The following QTMAN variants were observed in gnomAD, a reference collection of about 807,000 sequenced individuals.
QTMAN encodes the protein queuosine-tRNA mannosyltransferase, also known as tRNA-queuosine alpha-mannosyltransferase.
the QTMAN span, among the ~76,000 whole-genome samples, chr2:144,209,318 T>G: frequency 6.6e-6 from 1 of 152,242 alleles, no homozygotes; most frequent in Non-Finnish European, 1.5e-5. Flanking sequence ...TTTAAATTCA[T>G]CAGGTATAAC....
At chr2:143,990,676 A>G in the QTMAN span, among the ~76,000 whole-genome samples, 2 of 152,210 alleles carry the variant, frequency 1.3e-5, no homozygotes, top group African/African-American at 4.8e-5. Flanking sequence ...AGAAATCCAG[A>G]TACAATTCAG....
the QTMAN span, among the ~76,000 whole-genome samples, chr2:144,058,090 G>GA: frequency 1.0e-4 from 13 of 129,138 alleles, no homozygotes; most frequent in South Asian, 4.9e-4. Context: ...AAACCAGAAG[G>GA]AAAAAAAAAA....
the QTMAN span, among the ~76,000 whole-genome samples, chr2:144,051,406 C>T: frequency 6.6e-5 from 10 of 152,000 alleles, no homozygotes; most frequent in East Asian, 9.7e-4. Flanking sequence ...TATGGTTGTA[C>T]GCATCTTTAC....
At chr2:144,282,468 C>T in the QTMAN span, among the ~76,000 whole-genome samples, 1 of 150,754 alleles carries the variant, frequency 6.6e-6, no homozygotes, top group East Asian at 1.9e-4. Flanking sequence ...GTACAGATAT[C>T]ATTTATATGG....
the QTMAN span, among the ~76,000 whole-genome samples, chr2:144,048,947 T>C: frequency 8.5e-5 from 13 of 152,232 alleles, no homozygotes; most frequent in Non-Finnish European, 1.6e-4. Context: ...GGAGAGACAG[T>C]TTGCCTACTG....
chr2:143,997,786 G>A, the QTMAN span, among the ~76,000 whole-genome samples: 1 of 151,912 alleles, frequency 6.6e-6, no homozygotes, highest in East Asian at 1.9e-4. Flanking sequence ...GGAAAATAAG[G>A]TTAATTAACA....
chr2:143,973,682 G>A, the QTMAN span, among the ~76,000 whole-genome samples: 1 of 151,900 alleles, frequency 6.6e-6, no homozygotes, highest in Non-Finnish European at 1.5e-5. Flanking sequence ...CCAGCTACAC[G>A]GGAGGCTGAG....
the QTMAN span, among the ~76,000 whole-genome samples, chr2:144,228,848 C>T: frequency 6.6e-6 from 1 of 152,238 alleles, no homozygotes; most frequent in South Asian, 2.1e-4. Flanking sequence ...ATCCCAGCTA[C>T]TCATGAGGCT....
At chr2:144,157,801 G>C in the QTMAN span, among the ~76,000 whole-genome samples, 384 of 151,276 alleles carry the variant, frequency 2.5e-3, no homozygotes, top group Non-Finnish European at 3.8e-3. Flanking sequence ...ATATATGTAT[G>C]GTGTATATAT....
At chr2:144,014,300 T>C in the QTMAN span, among the ~76,000 whole-genome samples, 1 of 152,158 alleles carries the variant, frequency 6.6e-6, no homozygotes, top group Non-Finnish European at 1.5e-5. Context: ...ACTGCACAAA[T>C]GCTCTGGGGG....
the QTMAN span, among the ~76,000 whole-genome samples, chr2:144,124,177 T>C: frequency 6.6e-6 from 1 of 152,126 alleles, no homozygotes; most frequent in African/African-American, 2.4e-5. Flanking sequence ...AGAATGTTCC[T>C]ATAGCCACTT....
the QTMAN span, among the ~76,000 whole-genome samples, chr2:144,226,186 G>C: frequency 3.3e-5 from 5 of 152,144 alleles, no homozygotes; most frequent in Non-Finnish European, 4.4e-5. Context: ...TAAAGTGTGA[G>C]TGTTTATTGG....
the QTMAN span, among the ~76,000 whole-genome samples, chr2:144,224,830 T>C: frequency 6.6e-6 from 1 of 152,224 alleles, no homozygotes; most frequent in African/African-American, 2.4e-5. Context: ...AAAATTAAAG[T>C]AACTGTTTTG....
chr2:144,316,593 T>C, the QTMAN span, among the ~76,000 whole-genome samples: 1 of 152,164 alleles, frequency 6.6e-6, no homozygotes, highest in Non-Finnish European at 1.5e-5. Flanking sequence ...CACTTACACC[T>C]GAAAGTGCAG....
At chr2:143,954,957 C>T in the QTMAN span, among the ~76,000 whole-genome samples, 8 of 152,276 alleles carry the variant, frequency 5.3e-5, no homozygotes, top group African/African-American at 1.9e-4. Context: ...TCAATTCATA[C>T]AATTTATCTG....
chr2:144,210,202 G>A, the QTMAN span, among the ~76,000 whole-genome samples: 1 of 152,130 alleles, frequency 6.6e-6, no homozygotes, highest in Non-Finnish European at 1.5e-5. Flanking sequence ...CTTCCAAGCT[G>A]TATGACCTTG....
At chr2:143,983,556 T>C in the QTMAN span, among the ~76,000 whole-genome samples, 1 of 148,474 alleles carries the variant, frequency 6.7e-6, no homozygotes, top group Non-Finnish European at 1.5e-5. Flanking sequence ...CACTGCAAGC[T>C]TCGCCTCCCG....
the QTMAN span, among the ~76,000 whole-genome samples, chr2:144,160,692 C>T: frequency 1.3e-5 from 2 of 152,074 alleles, no homozygotes; most frequent in East Asian, 1.9e-4. Context: ...CAGGGCCTGG[C>T]AGTCAACAGG....
chr2:144,290,761 CAA>C, the QTMAN span, among the ~76,000 whole-genome samples: 1 of 152,220 alleles, frequency 6.6e-6, no homozygotes. Flanking sequence ...TCACCTCCTT[CAA>C]TTCTTTCCTC....
Sources: allele counts gnomAD v4.1 joint callset (sites outside exome capture counted in the v4.1 genomes callset), GRCh38; gene constraint gnomAD v4.1.1; transcripts MANE v1.5; gene names NCBI Gene and HGNC (gene_info 2026-07-23, HGNC 2026-07-21).